The following MACF1 variants were observed in gnomAD, a reference collection of about 807,000 sequenced individuals.
MACF1 encodes microtubule actin crosslinking factor 1.
A neutral mutation model predicts 854.8 loss-of-function variants in MACF1; 193 were observed. That is an observed-to-expected ratio of 0.23 (90% CI 0.20 to 0.25). The LOEUF (loss-of-function observed/expected upper bound fraction) is 0.25. Among genes scored for constraint, MACF1 ranks in the 10% least tolerant of loss-of-function variants. The pLI is 1.00. For synonymous variants in MACF1, 3,185 were observed against 3,226.7 expected, an observed-to-expected ratio of 0.99 and a Z score of 0.44; for missense variants, 7,722 against 8,929.1, an observed-to-expected ratio of 0.86 and a Z score of 5.45.
intron 2 of MACF1, among the ~76,000 whole-genome samples, chr1:39,097,829 A>G (rs1034817771): frequency 6.6e-6 from 1 of 152,128 alleles, no homozygotes; most frequent in Non-Finnish European, 1.5e-5. Context: ...TCTGATCTCA[A>G]CTGAGAGCAT....
At chr1:39,133,681 G>A (rs1571081880) in intron 2 of MACF1, among the ~76,000 whole-genome samples, 1 of 152,276 alleles carries the variant, frequency 6.6e-6, no homozygotes, top group African/African-American at 2.4e-5. Flanking sequence ...ATTAAATCAA[G>A]CTAGTTAACA....
intron 58 of MACF1, chr1:39,412,853 T>A (rs1256876553): frequency 1.9e-6 from 3 of 1,610,974 alleles, no homozygotes; most frequent in Non-Finnish European, 2.5e-6. Context: ...ATTGCTGCAG[T>A]GCCTGCCCCA....
intron 1 of MACF1, among the ~76,000 whole-genome samples, chr1:39,216,467 A>T (rs1026280498): frequency 1.1e-4 from 16 of 152,212 alleles, no homozygotes; most frequent in African/African-American, 3.1e-4. Flanking sequence ...TGACCCAAAT[A>T]GGCAGATTTT....
At chr1:39,414,571 C>T in intron 58 of MACF1, 3 of 1,546,238 alleles carry the variant, frequency 1.9e-6, no homozygotes, top group Non-Finnish European at 2.6e-6. Flanking sequence ...ACAGATAGTT[C>T]TTTTGTTCTT....
At chr1:39,461,243 A>C (rs529324580) in intron 92 of MACF1, among the ~76,000 whole-genome samples, 1 of 152,340 alleles carries the variant, frequency 6.6e-6, no homozygotes, top group African/African-American at 2.4e-5. Context: ...ATCTAAACAT[A>C]GGAAAACTTC....
At chr1:39,453,883 G>T (rs781293879) in intron 88 of MACF1, 33 bp downstream of exon 88, 3 of 1,612,412 alleles carry the variant, frequency 1.9e-6, no homozygotes, top group South Asian at 1.1e-5. Context: ...GACTGCACAC[G>T]CCCAGTAAAC....
chr1:39,114,708 A>G (rs772492357), intron 2 of MACF1, among the ~76,000 whole-genome samples: 2 of 152,226 alleles, frequency 1.3e-5, no homozygotes, highest in Non-Finnish European at 2.9e-5. Flanking sequence ...TTGTCTCTCT[A>G]TGATCTTACT....
chr1:39,327,406 G>A (rs1438936845), intron 36 of MACF1, 53 bp downstream of exon 36: 24 of 1,526,398 alleles, frequency 1.6e-5, no homozygotes, highest in Non-Finnish European at 2.1e-5. Context: ...TGAATGGTAT[G>A]AAGGCAGCTT....
In MACF1 at chr1:39,439,487, T is replaced by G; in HGVS notation, c.18434T>G (p.Val6145Gly). Residue 6145 changes from valine to glycine, a missense_variant, in exon 72 of 101, where the codon GTT becomes GGT. Around this residue, in one of 15 missense-constraint regions of MACF1, gnomAD observed 2,807 missense variants for 3,235.8 expected, o/e 0.87. Coordinates refer to ENST00000564288, the MANE Select transcript of MACF1 (RefSeq NM_001394062.1). ...GIDPSIIKQQ[V>G]EAAETIKEET... ...GATCCTTCCATCATCAAACAACAGGTTGAAGCTGCTGAGGTAAGAAGGAAA... is the reference window on the plus strand; with the variant it reads ...GATCCTTCCATCATCAAACAACAGGGTGAAGCTGCTGAGGTAAGAAGGAAA... 1 of 1,613,934 alleles carries G rather than the reference T, an allele frequency of 6.2e-7. No individual in the cohort carries two copies. The highest frequency in any genetic ancestry group is 8.5e-7 in the Non-Finnish European group (1 of 1,179,818).
At chr1:39,391,414 T>C (rs950591770) in intron 58 of MACF1, among the ~76,000 whole-genome samples, 5 of 152,178 alleles carry the variant, frequency 3.3e-5, no homozygotes, top group African/African-American at 9.7e-5. Flanking sequence ...TGGCTGTGCA[T>C]GTGTGTGTGG....
chr1:39,244,372 C>G (rs538250326), intron 2 of MACF1, among the ~76,000 whole-genome samples: 1 of 152,030 alleles, frequency 6.6e-6, no homozygotes, highest in Non-Finnish European at 1.5e-5. Context: ...ACTTCTGCCT[C>G]CGAGGTTCAA....
At chr1:39,391,152 T>A (rs1194598535) in intron 58 of MACF1, among the ~76,000 whole-genome samples, 1 of 151,950 alleles carries the variant, frequency 6.6e-6, no homozygotes, top group Non-Finnish European at 1.5e-5. Flanking sequence ...CTAACCAGGT[T>A]CTGGTTTATA....
intron 1 of MACF1, chr1:39,206,617 T>C (rs1338651729): frequency 6.6e-6 from 1 of 152,182 alleles, no homozygotes; most frequent in African/African-American, 2.4e-5. Flanking sequence ...AAAAGATACA[T>C]TGTAAAAGCT....
intron 40 of MACF1, among the ~76,000 whole-genome samples, chr1:39,346,411 C>T (rs1417187665): frequency 6.6e-6 from 1 of 151,934 alleles, no homozygotes; most frequent in East Asian, 1.9e-4. Flanking sequence ...TATAATTATG[C>T]TAGCATAAAT....
At chr1:39,304,221 C>T (rs1210123727) in intron 23 of MACF1, 8 of 246,026 alleles carry the variant, frequency 3.3e-5, no homozygotes, top group Non-Finnish European at 5.7e-5. Context: ...TGTGATGTTC[C>T]CCTTCCTGTG....
Position 39,388,616 on chromosome 1 carries a change from G to T in MACF1, c.15774G>T (p.Gly5258=). 2 of 1,588,388 alleles carry T rather than the reference G, an allele frequency of 1.3e-6. No individual in the cohort carries two copies. The highest frequency in any genetic ancestry group is 1.1e-5 in the South Asian group (1 of 87,510). The change falls in exon 58 of 101, where the codon GGG becomes GGT. Residue 5258 remains glycine, a synonymous_variant. Coordinates refer to ENST00000564288, the MANE Select transcript of MACF1 (RefSeq NM_001394062.1). ...EEAEALQWVV[G]TEVEIINQQL... ...CAGAGGCCCTCCAGTGGGTAGTGGG[G>T]ACCGAAGTGGAAATCATCAACCAAC...
chr1:39,429,262 T>C lies in MACF1; in HGVS notation c.16824T>C (p.Val5608=). Residue 5608 remains valine (V), a synonymous_variant, in exon 64 of 101, where the codon GTT becomes GTC. Coordinates refer to ENST00000564288, the MANE Select transcript of MACF1 (RefSeq NM_001394062.1). ...ADHLALNEEI[V]NRKKNVDQAI... is the part of the protein sequence containing the mutation. ...TTCAGGCTTTAAATGAAGAAATTGT[T>C]AATAGAAAGAAGAATGTAGATCAAG... 3 of 1,556,998 alleles carry C rather than the reference T, an allele frequency of 1.9e-6. No homozygotes were observed.
At chr1:39,397,840 A>G (rs1378198210) in intron 58 of MACF1, among the ~76,000 whole-genome samples, 1 of 152,226 alleles carries the variant, frequency 6.6e-6, no homozygotes, top group Non-Finnish European at 1.5e-5. Flanking sequence ...GTCAGAGACC[A>G]TCTATAGTAA....
intron 58 of MACF1, chr1:39,414,116 C>A: frequency 6.2e-7 from 1 of 1,608,002 alleles, no homozygotes; most frequent in Non-Finnish European, 8.5e-7. Flanking sequence ...GCCTCCCCAG[C>A]AGCTGCAGTG....
Sources: allele counts gnomAD v4.1 joint callset (sites outside exome capture counted in the v4.1 genomes callset), GRCh38; gene constraint gnomAD v4.1.1; regional missense constraint gnomAD v4.1.1; transcripts MANE v1.5; gene names NCBI Gene and HGNC (gene_info 2026-07-23, HGNC 2026-07-21).